The following ADAMTS20 variants were observed in gnomAD, a reference collection of about 807,000 sequenced individuals.
The protein encoded by ADAMTS20 is A disintegrin and metalloproteinase with thrombospondin motifs 20.
Under a neutral mutation model 260.1 loss-of-function variants are expected in ADAMTS20, and 225 were observed. That is an observed-to-expected ratio of 0.87 (90% CI 0.78 to 0.97). ADAMTS20 has a LOEUF of 0.97. Ranked by LOEUF, ADAMTS20 falls within the 50% of genes least tolerant of loss-of-function variation. The pLI is 0.00. For synonymous variants in ADAMTS20, 802 were observed against 769.5 expected (o/e 1.04, Z -0.70); for missense variants, 2,400 against 2,337.7 (o/e 1.03, Z -0.55).
At chr12:43,527,547 A>G (rs1943160240) in intron 3 of ADAMTS20, among the ~76,000 whole-genome samples, 1 of 152,218 alleles carries the variant, frequency 6.6e-6, no homozygotes, top group Admixed American at 6.5e-5. Context: ...ACACAAGTCA[A>G]TAAAGGTAAT....
At chr12:43,487,557 C>G (rs1439555932) in intron 7 of ADAMTS20, among the ~76,000 whole-genome samples, 1 of 150,858 alleles carries the variant, frequency 6.6e-6, no homozygotes, top group African/African-American at 2.4e-5. Flanking sequence ...CCAAAAACCA[C>G]TTGTATCCAT....
At chr12:43,443,559 G>GA (rs1231783874) in intron 16 of ADAMTS20, among the ~76,000 whole-genome samples, 2 of 150,324 alleles carry the variant, frequency 1.3e-5, no homozygotes, top group African/African-American at 4.9e-5. Context: ...AAATACACGA[G>GA]AAAAAAACTG....
intron 3 of ADAMTS20, among the ~76,000 whole-genome samples, chr12:43,516,523 C>T (rs1203676278): frequency 6.6e-6 from 1 of 152,184 alleles, no homozygotes; most frequent in Non-Finnish European, 1.5e-5. Context: ...GATTAGTGAT[C>T]TACTATTTTA....
intron 7 of ADAMTS20, among the ~76,000 whole-genome samples, chr12:43,469,328 A>T (rs1228471588): frequency 6.6e-6 from 1 of 152,148 alleles, no homozygotes; most frequent in Admixed American, 6.5e-5. Flanking sequence ...ATCAGGATAT[A>T]TTTAGTTCTA....
At chr12:43,396,890 A>G (rs1017261924) in intron 29 of ADAMTS20, among the ~76,000 whole-genome samples, 1 of 152,150 alleles carries the variant, frequency 6.6e-6, no homozygotes, top group African/African-American at 2.4e-5. Context: ...TGGGACCAAC[A>G]GGAATATTGG....
intron 3 of ADAMTS20, among the ~76,000 whole-genome samples, chr12:43,520,593 G>T (rs1210818240): frequency 6.6e-6 from 1 of 152,172 alleles, no homozygotes; most frequent in Non-Finnish European, 1.5e-5. Context: ...AAAGATTAAT[G>T]CTTTTAGCAA....
At chr12:43,524,600 GA>G (rs1278974899) in intron 3 of ADAMTS20, among the ~76,000 whole-genome samples, 1 of 151,744 alleles carries the variant, frequency 6.6e-6, no homozygotes, top group East Asian at 1.9e-4. Context: ...CTAACATAAA[GA>G]AATTTAAAAA....
chr12:43,436,504 CA>C (rs774291747), intron 18 of ADAMTS20, among the ~76,000 whole-genome samples: 180 of 148,512 alleles, frequency 1.2e-3, no homozygotes, highest in Non-Finnish European at 2.3e-3. Context: ...ATGATTTGAA[CA>C]TATCAATATA....
chr12:43,377,100 A>G (rs1055018011), intron 32 of ADAMTS20, among the ~76,000 whole-genome samples: 1 of 152,248 alleles, frequency 6.6e-6, no homozygotes, highest in Non-Finnish European at 1.5e-5. Context: ...ATATTTCTTA[A>G]GCACTTACTC....
At chr12:43,545,048 G>T (rs1444713197) in intron 2 of ADAMTS20, among the ~76,000 whole-genome samples, 1 of 152,092 alleles carries the variant, frequency 6.6e-6, no homozygotes, top group African/African-American at 2.4e-5. Context: ...ATGTCTTCTG[G>T]GGGACAAAAC....
chr12:43,464,661 C>G lies in ADAMTS20; in HGVS notation c.1439G>C (p.Gly480Ala), dbSNP rs759511666. The G allele has an allele frequency of 2.9e-5, 46 of 1,613,258 alleles. No homozygotes were observed. The highest frequency in any genetic ancestry group is 3.5e-5 in the Non-Finnish European group (41 of 1,179,470). Residue 480 changes from glycine to alanine, a missense_variant, in exon 10 of 39, where the codon GGA (glycine) becomes GCA (alanine). Coordinates refer to ENST00000389420, the MANE Select transcript of ADAMTS20 (RefSeq NM_025003.5). ...CTGCTTGTTTCCATCATATCGTGAT[C>G]CAGGAAGTTCTGAAGGCAGATTATA... ...EIYNLPSELPGSRYDGNKQCE... is the reference protein window; with the variant it reads ...EIYNLPSELPASRYDGNKQCE...
At chr12:43,516,004 G>A (rs764189964) in intron 3 of ADAMTS20, among the ~76,000 whole-genome samples, 8 of 152,092 alleles carry the variant, frequency 5.3e-5, no homozygotes, top group Non-Finnish European at 7.4e-5. Flanking sequence ...ATTGCAGACT[G>A]ACAGGTCAGA....
intron 4 of ADAMTS20, among the ~76,000 whole-genome samples, chr12:43,496,699 A>G (rs1468647620): frequency 6.6e-6 from 1 of 152,174 alleles, no homozygotes; most frequent in Non-Finnish European, 1.5e-5. Flanking sequence ...ATGTCCTTGC[A>G]TATTGGATTA....
At chr12:43,374,971 G>C (rs1940188909) in intron 36 of ADAMTS20, among the ~76,000 whole-genome samples, 1 of 152,132 alleles carries the variant, frequency 6.6e-6, no homozygotes, top group Non-Finnish European at 1.5e-5. Flanking sequence ...AGGAGTTCAA[G>C]ACCAGCCTGA....
chr12:43,399,171 T>G lies in ADAMTS20; in HGVS notation c.4347A>C (p.Gln1449His). The stretch of plus-strand genomic sequence containing the variant: ...TGCAATTTGTGTCTTCTAATTTCCT[T>G]TGGAATTGGTCAATGCAAAACACTT... The part of the protein sequence containing the change: ...YREVFCIDQF[Q>H]RKLEDTNCSQ... Residue 1449 changes from glutamine to histidine, a missense_variant, in exon 29 of 39, where the codon CAA becomes CAC. Physicochemically the swap from Gln to His is conservative, Grantham distance 24. Transcript: ENST00000389420. 6.3e-7 allele frequency: 1 copy of G among 1,577,012 alleles called. No homozygotes were observed. Among genetic ancestry groups the G allele is most frequent in the African/African-American group, 1.3e-5 (1 of 74,342 alleles).
At chr12:43,520,141 G>A (rs542432412) in intron 3 of ADAMTS20, among the ~76,000 whole-genome samples, 1 of 152,142 alleles carries the variant, frequency 6.6e-6, no homozygotes, top group Non-Finnish European at 1.5e-5. Flanking sequence ...GGATGTAGGT[G>A]AAGAGAGAGG....
intron 29 of ADAMTS20, among the ~76,000 whole-genome samples, chr12:43,391,684 A>G (rs1940600048): frequency 6.6e-6 from 1 of 152,116 alleles, no homozygotes; most frequent in Non-Finnish European, 1.5e-5. Flanking sequence ...TATAAGGGGG[A>G]AAAATCAGGT....
At chr12:43,543,566 T>C (rs1309423689) in intron 2 of ADAMTS20, among the ~76,000 whole-genome samples, 5 of 152,234 alleles carry the variant, frequency 3.3e-5, no homozygotes, top group African/African-American at 1.2e-4. Flanking sequence ...CTTGACTTTA[T>C]GGAGAAGACT....
chr12:43,460,519 A>C (rs570263425), intron 11 of ADAMTS20, among the ~76,000 whole-genome samples: 2 of 152,314 alleles, frequency 1.3e-5, no homozygotes, highest in East Asian at 3.9e-4. Flanking sequence ...CACATACTTC[A>C]GAAAACTGTT....
Sources: allele counts gnomAD v4.1 joint callset (sites outside exome capture counted in the v4.1 genomes callset), GRCh38; gene constraint gnomAD v4.1.1; transcripts MANE v1.5; gene names NCBI Gene and HGNC (gene_info 2026-07-23, HGNC 2026-07-21).